Variants in MALRD1 observed in about 807,000 individuals in gnomAD.
MALRD1 encodes MAM and LDL receptor class A domain containing 1, also known as MAM and LDL-receptor class A domain-containing protein 1.
In MALRD1, 247 loss-of-function variants were observed where a neutral mutation model predicts 242.1. That is an observed-to-expected ratio of 1.02 (90% CI 0.92 to 1.13). The LOEUF (loss-of-function observed/expected upper bound fraction) is 1.13. MALRD1 is among the 50% of genes most tolerant of loss of function. The pLI is 0.00. For synonymous variants in MALRD1, 995 were observed against 866.6 expected (o/e 1.15, Z -2.60); for missense variants, 2,989 against 2,533.1 (o/e 1.18, Z -3.86).
At chr10:19,271,635 C>T (rs541801089) in intron 19 of MALRD1, among the ~76,000 whole-genome samples, 10 of 152,112 alleles carry the variant, frequency 6.6e-5, no homozygotes, top group Admixed American at 2.0e-4. Flanking sequence ...TGGTGGCACA[C>T]ACCTGTAGTC....
chr10:19,392,710 A>C (rs867314235), intron 28 of MALRD1, among the ~76,000 whole-genome samples: 2 of 152,254 alleles, frequency 1.3e-5, no homozygotes, highest in Non-Finnish European at 2.9e-5. Flanking sequence ...AGAGGATCAA[A>C]AAAATTGAGA....
chr10:19,222,135 C>T (rs1837582560), intron 18 of MALRD1, among the ~76,000 whole-genome samples: 1 of 151,946 alleles, frequency 6.6e-6, no homozygotes, highest in African/African-American at 2.4e-5. Context: ...TTCCCTTCCT[C>T]TCTCCTTGAG....
chr10:19,212,074 A>G (rs947326665), intron 18 of MALRD1, among the ~76,000 whole-genome samples: 22 of 152,216 alleles, frequency 1.4e-4, no homozygotes, highest in African/African-American at 5.1e-4. Flanking sequence ...ATCATTACAC[A>G]TGAAACTTCA....
chr10:19,534,353 G>C (rs1235683121), intron 32 of MALRD1, among the ~76,000 whole-genome samples: 1 of 152,180 alleles, frequency 6.6e-6, no homozygotes, highest in Non-Finnish European at 1.5e-5. Flanking sequence ...GGAGGAACCA[G>C]TGAAGTGGAA....
rs186563690 is a variant in MALRD1, at chr10:19,558,982, G to C, written c.5479-8520G>C. 5.3e-5 allele frequency among the ~76,000 whole-genome samples: 8 copies of C among 151,958 alleles called. 1 individual carries two copies. Among genetic ancestry groups the C allele is most frequent in the Admixed American group, 2.6e-4 (4 of 15,226 alleles). ...GCAGATCACTTGAGGTTAGGGATTC[G>C]AGACCAGCCTGGCCAACATGGTGAA... On this transcript the variant is annotated intron_variant, in intron 32 of 39. Transcript: ENST00000454679.
intron 23 of MALRD1, among the ~76,000 whole-genome samples, chr10:19,329,272 G>A (rs1039834103): frequency 2.0e-5 from 3 of 152,118 alleles, no homozygotes; most frequent in African/African-American, 4.8e-5. Context: ...CACACTCTTC[G>A]TGATTCTGCC....
intron 38 of MALRD1, among the ~76,000 whole-genome samples, chr10:19,715,461 G>A (rs1834340136): frequency 6.6e-6 from 1 of 151,894 alleles, no homozygotes; most frequent in South Asian, 2.1e-4. Flanking sequence ...GTGGGGCTTT[G>A]AGGTATCACA....
intron 4 of MALRD1, among the ~76,000 whole-genome samples, chr10:19,096,963 T>C (rs1836061981): frequency 1.3e-5 from 2 of 152,196 alleles, no homozygotes; most frequent in African/African-American, 4.8e-5. Context: ...GGTTAACTTC[T>C]GAGGGAATGC....
intron 31 of MALRD1, among the ~76,000 whole-genome samples, chr10:19,525,141 C>T (rs1834049867): frequency 6.6e-6 from 1 of 151,592 alleles, no homozygotes; most frequent in African/African-American, 2.4e-5. Context: ...TCTCGAGCTC[C>T]TGCCCCTAGG....
At chr10:19,047,676 G>C (rs1042377553), upstream of MALRD1, among the ~76,000 whole-genome samples, 58 of 152,078 alleles carry the variant, frequency 3.8e-4, no homozygotes, top group African/African-American at 1.4e-3. Context: ...GCAACAAAAT[G>C]TTAGATTATG....
chr10:19,526,335 A>G (rs1369984519), intron 31 of MALRD1, among the ~76,000 whole-genome samples: 2 of 127,022 alleles, frequency 1.6e-5, no homozygotes, highest in African/African-American at 2.8e-5. Flanking sequence ...AGGCTAAGCA[A>G]CTTTCATCTT....
chr10:19,237,982 T>C (rs1307200276), intron 18 of MALRD1, among the ~76,000 whole-genome samples: 1 of 100,436 alleles, frequency 1.0e-5, no homozygotes, highest in Non-Finnish European at 1.9e-5. Flanking sequence ...TATATATAAT[T>C]ATATGTAATT....
chr10:19,456,755 A>ATTTATTTT (rs1324268625), intron 29 of MALRD1, among the ~76,000 whole-genome samples: 2 of 129,728 alleles, frequency 1.5e-5, no homozygotes, highest in Non-Finnish European at 3.1e-5. Context: ...AGTGACATTT[A>ATTTATTTT]TTTATTTATT....
intron 28 of MALRD1, among the ~76,000 whole-genome samples, chr10:19,443,359 C>A (rs1031987445): frequency 6.6e-6 from 1 of 152,150 alleles, no homozygotes; most frequent in African/African-American, 2.4e-5. Flanking sequence ...TTGCCTTCTG[C>A]TAGCTTTTGA....
At chr10:19,380,919 T>C (rs1020671169) in intron 26 of MALRD1, among the ~76,000 whole-genome samples, 2 of 152,212 alleles carry the variant, frequency 1.3e-5, no homozygotes, top group East Asian at 1.9e-4. Context: ...TTTTCTTTTT[T>C]TTTTTATACT....
rs201162634 is a variant in MALRD1 at position 19,221,141 on chromosome 10, C to CTA, written c.2991+11462_2991+11463dup. On this transcript the variant is annotated intron_variant, in intron 18 of 39. Coordinates refer to ENST00000454679, the MANE Select transcript of MALRD1 (RefSeq NM_001142308.3). ...TTTTTTAAAAAATGTTGTTTATAAT[C>CTA]TAATTTGTTTTTTCATTTGTGGGGT... 9.1e-3 allele frequency among the ~76,000 whole-genome samples: 1,380 copies of CTA among 152,102 alleles called. 25 individuals are homozygous for CTA. Among genetic ancestry groups the CTA allele is most frequent in the African/African-American group, 0.031 (1,303 of 41,494 alleles).
chr10:19,468,108 C>CA lies in MALRD1; in HGVS notation c.5029+17628dup, dbSNP rs5783680. The stretch of plus-strand genomic sequence containing the variant: ...CACACCTGGCCTAGATACTTTAAAA[C>CA]AAAAAAAAAATCTATTGTGCTTTGC... On this transcript the variant is annotated intron_variant, in intron 29 of 39. Transcript: ENST00000454679. Among the ~76,000 whole-genome samples, 250 of 151,526 alleles carry CA rather than the reference C, an allele frequency of 1.6e-3. 1 individual carries two copies. The highest frequency in any genetic ancestry group is 2.5e-3 in the Non-Finnish European group (171 of 67,856).
chr10:19,119,459 T>A (rs1225379568), intron 5 of MALRD1, among the ~76,000 whole-genome samples: 3 of 151,894 alleles, frequency 2.0e-5, no homozygotes, highest in African/African-American at 7.3e-5. Context: ...GATAACTTGG[T>A]GGGTTGGGGG....
chr10:19,055,918 A>G (rs988529241), intron 1 of MALRD1, among the ~76,000 whole-genome samples: 1 of 152,134 alleles, frequency 6.6e-6, no homozygotes, highest in African/African-American at 2.4e-5. Flanking sequence ...TGGGTAGCAA[A>G]ATAATCTACA....
Sources: allele counts gnomAD v4.1 joint callset (sites outside exome capture counted in the v4.1 genomes callset), GRCh38; gene constraint gnomAD v4.1.1; transcripts MANE v1.5; gene names NCBI Gene and HGNC (gene_info 2026-07-23, HGNC 2026-07-21).